Variants in ATP6V0A1 observed in about 807,000 individuals in gnomAD.
ATP6V0A1 encodes V-type proton ATPase 116 kDa subunit a 1.
Under a neutral mutation model 105.4 loss-of-function variants are expected in ATP6V0A1, and 43 were observed. The ratio of observed to expected loss-of-function variants is 0.41; its 90% confidence interval spans 0.32 to 0.53. The LOEUF is 0.53. Ranked by LOEUF, ATP6V0A1 falls within the 20% of genes least tolerant of loss-of-function variation. ATP6V0A1 has a pLI of 0.30. For synonymous variants in ATP6V0A1, 362 were observed against 372.8 expected (o/e 0.97, Z 0.33); for missense variants, 676 against 1,051.1 (o/e 0.64, Z 4.93).
chr17:42,480,808 T>TA (rs2089401895), intron 8 of ATP6V0A1, 59 bp downstream of exon 8: 24 of 1,491,586 alleles, frequency 1.6e-5, no homozygotes, highest in Non-Finnish European at 2.1e-5. Context: ...TGTTGAGTCT[T>TA]AAAGTTCACA....
At chr17:42,464,696 C>T (rs1281473476) in intron 2 of ATP6V0A1, among the ~76,000 whole-genome samples, 1 of 151,992 alleles carries the variant, frequency 6.6e-6, no homozygotes, top group South Asian at 2.1e-4. Context: ...AGCCACCGTG[C>T]CCGGCCAATG....
chr17:42,474,010 T>A (rs1194301797), intron 5 of ATP6V0A1, among the ~76,000 whole-genome samples: 5 of 151,928 alleles, frequency 3.3e-5, no homozygotes, highest in Non-Finnish European at 7.4e-5. Flanking sequence ...TCTCCTATTT[T>A]TTTTTTTTTT....
At chr17:42,479,656 T>C (rs1032202603) in intron 7 of ATP6V0A1, among the ~76,000 whole-genome samples, 4 of 152,200 alleles carry the variant, frequency 2.6e-5, no homozygotes, top group Admixed American at 2.0e-4. Flanking sequence ...TCAGATTGGG[T>C]GGGCTGTGCA....
chr17:42,501,403 T>C lies in ATP6V0A1; in HGVS notation c.2004+99T>C, dbSNP rs1249013661. 9 of 930,688 alleles carry C rather than the reference T, an allele frequency of 9.7e-6. No homozygotes were observed. The East Asian group carries it at 2.0e-4, about 21-fold the overall frequency. 57.7% of individuals were successfully genotyped at this position (930,688 alleles called of 1,614,324 possible). A position where few individuals can be genotyped will look rare whatever the true frequency, so the allele number is the denominator to read the frequency against. On this transcript the variant is annotated intron_variant, in intron 17 of 21. Transcript: ENST00000343619. ...ATAATTAATTGTGCACAAATCTATA[T>C]ATTCTTTTTCTTTTTCTTTTTCTTT... is the stretch of plus-strand genomic sequence containing the variant.
chr17:42,513,507 C>T (rs768402604), intron 19 of ATP6V0A1: 31 of 201,390 alleles, frequency 1.5e-4, no homozygotes, highest in Non-Finnish European at 2.6e-4. Flanking sequence ...AACAGAGTGC[C>T]GTCAACTCAG....
intron 17 of ATP6V0A1, among the ~76,000 whole-genome samples, chr17:42,505,898 C>G (rs115329119): frequency 9.2e-5 from 14 of 151,782 alleles, no homozygotes; most frequent in Non-Finnish European, 2.1e-4. Flanking sequence ...AGCAGTTGTC[C>G]TGCTTCAGCC....
Position 42,468,039 on chromosome 17 carries a change from A to G in ATP6V0A1, c.226A>G (p.Asn76Asp), listed in dbSNP as rs1472429480. 1 of 1,605,786 alleles carries G rather than the reference A, an allele frequency of 6.2e-7. No individual in the cohort carries two copies. Among genetic ancestry groups the G allele is most frequent in the Non-Finnish European group, 8.5e-7 (1 of 1,175,950 alleles). ...RFVEKEIRKA[N>D]IPIMDTGENP... is the part of the protein sequence containing the mutation. ...TGTTGAGAAAGAGATAAGAAAAGCT[A>G]ACATTCCGATTATGGACACCGGTGA... The change falls in exon 4 of 22, where the codon AAC (asparagine) becomes GAC (aspartate). Residue 76 changes from asparagine to aspartate, a missense_variant. Coordinates refer to ENST00000343619, the MANE Select transcript of ATP6V0A1 (RefSeq NM_001130021.3).
chr17:42,520,130 C>T (rs997054294), intron 21 of ATP6V0A1: 43 of 258,472 alleles, frequency 1.7e-4, no homozygotes, highest in African/African-American at 9.0e-4. Flanking sequence ...CCACGCCTGC[C>T]TGTTCTTATA....
At chr17:42,481,519 G>A (rs1023737663) in intron 8 of ATP6V0A1, among the ~76,000 whole-genome samples, 4 of 151,922 alleles carry the variant, frequency 2.6e-5, no homozygotes, top group African/African-American at 9.7e-5. Context: ...ACTGTGCCTG[G>A]CCCTAAATTC....
intron 14 of ATP6V0A1, 26 bp downstream of exon 14, chr17:42,495,742 T>A (rs376639760): frequency 6.4e-7 from 1 of 1,565,228 alleles, no homozygotes; most frequent in Non-Finnish European, 8.8e-7. Context: ...TCCTATATGC[T>A]AACCTCAAAT....
intron 21 of ATP6V0A1, among the ~76,000 whole-genome samples, chr17:42,517,143 G>A (rs2050279582): frequency 6.6e-6 from 1 of 152,182 alleles, no homozygotes; most frequent in Non-Finnish European, 1.5e-5. Flanking sequence ...AGCTGGGCGT[G>A]ATGGTGGGCG....
At chr17:42,460,605 G>C (rs1201990001) in intron 1 of ATP6V0A1, among the ~76,000 whole-genome samples, 1 of 152,156 alleles carries the variant, frequency 6.6e-6, no homozygotes, top group East Asian at 1.9e-4. Context: ...CAAAATAATT[G>C]TCATTTGATC....
intron 11 of ATP6V0A1, among the ~76,000 whole-genome samples, chr17:42,493,455 A>G (rs926504868): frequency 6.6e-6 from 1 of 152,168 alleles, no homozygotes; most frequent in Non-Finnish European, 1.5e-5. Flanking sequence ...AGAACAAACC[A>G]ATGTTGTCAA....
chr17:42,483,180 G>C (rs763876960), intron 9 of ATP6V0A1, 49 bp downstream of exon 9: 10 of 1,343,060 alleles, frequency 7.4e-6, no homozygotes, highest in Admixed American at 2.4e-5. Flanking sequence ...ACTGGAATAC[G>C]AGACCATTAT....
intron 8 of ATP6V0A1, 160 bp downstream of exon 8, chr17:42,480,909 A>G (rs1473778446): frequency 3.4e-6 from 2 of 586,294 alleles, no homozygotes; most frequent in South Asian, 2.7e-5. Context: ...AATAGCCTGC[A>G]TTCATTTTTA....
chr17:42,477,396 T>C (rs2145812383), intron 5 of ATP6V0A1, among the ~76,000 whole-genome samples: 1 of 152,310 alleles, frequency 6.6e-6, no homozygotes, highest in East Asian at 1.9e-4. Context: ...TTTTTTTTCC[T>C]TTTGCTCCTT....
At chr17:42,511,335 G>A (rs1377600323) in intron 19 of ATP6V0A1, 1 of 152,102 alleles carries the variant, frequency 6.6e-6, no homozygotes, top group African/African-American at 2.4e-5. Flanking sequence ...AGGAGTTTGA[G>A]ACCAGCTGGC....
Position 42,521,603 on chromosome 17 carries a change from G to T in ATP6V0A1, c.*483G>T, listed in dbSNP as rs1196220302. The T allele has an allele frequency of 1.3e-5, 2 of 152,528 alleles. No individual in the cohort carries two copies. Among genetic ancestry groups the T allele is most frequent in the African/African-American group, 2.4e-5 (1 of 41,412 alleles). The allele number at this position is 152,528 out of a possible 1,614,324, so 9.4% of individuals were successfully genotyped here. A position where few individuals can be genotyped will look rare whatever the true frequency, so the allele number is the denominator to read the frequency against. ...GGTAACATGTCCCACTCTTGGATTA[G>T]CAGGGGTGGGTCCAGGAAGATGATA... is the stretch of plus-strand genomic sequence containing the variant. On this transcript the variant is annotated 3_prime_UTR_variant, in exon 22 of 22. Coordinates refer to ENST00000343619, the MANE Select transcript of ATP6V0A1 (RefSeq NM_001130021.3). The surrounding 1 kb of genome is among the most constrained non-coding windows in gnomAD (Gnocchi z 4.8).
At chr17:42,459,511 G>A (rs908282744) in intron 1 of ATP6V0A1, among the ~76,000 whole-genome samples, 2 of 152,222 alleles carry the variant, frequency 1.3e-5, no homozygotes, top group Non-Finnish European at 2.9e-5. Context: ...TTTTCTGTTA[G>A]CCTCCATTGC....
Sources: gnomAD v4.1 joint callset for allele counts (sites outside exome capture counted in the v4.1 genomes callset) on GRCh38, gnomAD v4.1.1 for gene constraint, Gnocchi (gnomAD v3.1) non-coding constraint, MANE v1.5 for transcripts, NCBI Gene and HGNC (gene_info 2026-07-23, HGNC 2026-07-21) for gene names.